PIK3AP1: variants seen among roughly 807,000 people sequenced by gnomAD.
The protein encoded by PIK3AP1 is phosphoinositide 3-kinase adapter protein 1.
In PIK3AP1, 21 loss-of-function variants were observed where a neutral mutation model predicts 88.1. The observed-to-expected ratio is 0.24, with a 90% CI of 0.17 to 0.34. The LOEUF is 0.34. Among genes scored for constraint, PIK3AP1 ranks in the 10% least tolerant of loss-of-function variants. The pLI, the probability that PIK3AP1 is intolerant of heterozygous loss-of-function variation, is 1.00. For missense variants in PIK3AP1, 828 were observed against 1,035.7 expected (o/e 0.80, Z 2.75); for synonymous variants, 398 against 400.0 (o/e 1.00, Z 0.06).
chr10:96,644,598 G>A (rs140500475), intron 8 of PIK3AP1, among the ~76,000 whole-genome samples: 120 of 151,984 alleles, frequency 7.9e-4, no homozygotes, highest in Middle Eastern at 3.4e-3. Context: ...CTTTTGCATT[G>A]GAAAAAACAA....
At chr10:96,659,816 G>GA (rs1176116403) in intron 2 of PIK3AP1, among the ~76,000 whole-genome samples, 1 of 151,496 alleles carries the variant, frequency 6.6e-6, no homozygotes, top group South Asian at 2.1e-4. Flanking sequence ...TAATAACCAT[G>GA]AAAAAACACT....
intron 13 of PIK3AP1, among the ~76,000 whole-genome samples, chr10:96,613,469 T>G (rs1849161760): frequency 1.3e-5 from 2 of 152,196 alleles, no homozygotes; most frequent in African/African-American, 2.4e-5. Context: ...TATATACAGT[T>G]TAATCTCTCA....
intron 3 of PIK3AP1, among the ~76,000 whole-genome samples, chr10:96,654,677 A>T (rs897751522): frequency 6.6e-6 from 1 of 152,202 alleles, no homozygotes. Flanking sequence ...GGCAACAAGA[A>T]TCCTGGGATA....
intron 3 of PIK3AP1, among the ~76,000 whole-genome samples, chr10:96,654,722 T>A (rs1382161629): frequency 6.6e-6 from 1 of 152,156 alleles, no homozygotes; most frequent in Non-Finnish European, 1.5e-5. Flanking sequence ...AATGAGAGCC[T>A]GGAAAAATCA....
intron 8 of PIK3AP1, chr10:96,632,805 C>T: frequency 6.6e-7 from 1 of 1,525,744 alleles, no homozygotes; most frequent in Admixed American, 2.0e-5. Flanking sequence ...TTGTGTTTTT[C>T]CCACTTCTGG....
chr10:96,708,341 G>A (rs564280449), intron 2 of PIK3AP1, among the ~76,000 whole-genome samples: 57 of 152,172 alleles, frequency 3.7e-4, no homozygotes, highest in African/African-American at 1.3e-3. Context: ...TTGGGAGGCC[G>A]AGGCAGGTGG....
chr10:96,662,764 C>T (rs1843707249), intron 2 of PIK3AP1, among the ~76,000 whole-genome samples: 1 of 150,072 alleles, frequency 6.7e-6, no homozygotes, highest in Non-Finnish European at 1.5e-5. Flanking sequence ...CGCCTGTAGT[C>T]CCAGCTACTC....
At chr10:96,675,771 T>C (rs1367297361) in intron 2 of PIK3AP1, among the ~76,000 whole-genome samples, 1 of 152,198 alleles carries the variant, frequency 6.6e-6, no homozygotes, top group Non-Finnish European at 1.5e-5. Flanking sequence ...TAGTAAGTGC[T>C]CAATAAAAGG....
In PIK3AP1 at chr10:96,602,409, G is replaced by C. The variant is rs2134181300; in HGVS notation, c.2242-11C>G. The C allele has an allele frequency of 6.2e-7, 1 of 1,603,592 alleles. No homozygotes were observed. The highest frequency in any genetic ancestry group is 2.2e-5 in the East Asian group (1 of 44,622). Reference sequence around the variant, plus strand: ...AGGGACTTCATTATCCTACAGCAAAGAAGATGAGAAAGAAAGGCGAAAACT... The same window carrying C: ...AGGGACTTCATTATCCTACAGCAAACAAGATGAGAAAGAAAGGCGAAAACT... On this transcript the variant is annotated splice_polypyrimidine_tract_variant and intron_variant, in intron 15 of 16. Transcript: ENST00000339364.
In PIK3AP1 at chr10:96,630,305, A is replaced by C. The variant is rs1564962109; in HGVS notation, c.1376-1812T>G. Among the ~76,000 whole-genome samples, 4 of 152,212 alleles carry C rather than the reference A, an allele frequency of 2.6e-5. No individual in the cohort carries two copies. The South Asian group carries it at 6.2e-4, about 24-fold the overall frequency. On this transcript the variant is annotated intron_variant, in intron 8 of 16. Coordinates refer to ENST00000339364, the MANE Select transcript of PIK3AP1 (RefSeq NM_152309.3). ...ATTCCAAATGAGGAACCAGTAAATG[A>C]ATCCCGCCCGCCTGTTCTTGTCACC...
rs999767415 is a variant in PIK3AP1 at position 96,633,143 on chromosome 10, C to T, written c.1376-4650G>A. ...ATGAGAGGTATGCCAGAGTCAATGC[C>T]CTCAGGAAAGCCCAAAGAATGCTGT... On this transcript the variant is annotated intron_variant, in intron 8 of 16. Transcript: ENST00000339364. The T allele has an allele frequency of 4.2e-6, 6 of 1,428,028 alleles. No homozygotes were observed. In the Admixed American group the frequency reaches 7.7e-5, roughly 18 times the overall value. The allele number at this position is 1,428,028 out of a possible 1,614,324, so 88.5% of individuals were successfully genotyped here.
chr10:96,596,943 A>G (rs1180786743), intron 16 of PIK3AP1, among the ~76,000 whole-genome samples: 1 of 152,178 alleles, frequency 6.6e-6, no homozygotes, highest in Non-Finnish European at 1.5e-5. Flanking sequence ...CTTGAATGCA[A>G]GGTTTGTATA....
intron 1 of PIK3AP1, among the ~76,000 whole-genome samples, chr10:96,717,990 T>A (rs1844524952): frequency 6.6e-6 from 1 of 152,212 alleles, no homozygotes; most frequent in Non-Finnish European, 1.5e-5. Context: ...AGGAACGAAG[T>A]ACTGATATAA....
Position 96,626,877 on chromosome 10 carries a change from C to T in PIK3AP1, c.1500G>A (p.Glu500=). The T allele has an allele frequency of 2.5e-6, 4 of 1,614,196 alleles. No individual in the cohort carries two copies. The highest frequency in any genetic ancestry group is 3.4e-6 in the Non-Finnish European group (4 of 1,179,992). ...CCTGACCAAGATGGCACTGATCTCT[C>T]TCCAGATTGGTCATTCCCATGCTGT... ...EGNSMGMTNL[E]RDQCHLGQEE... Residue 500 remains glutamate, a synonymous_variant, in exon 10 of 17, where the codon GAG becomes GAA. Transcript: ENST00000339364.
intron 8 of PIK3AP1, among the ~76,000 whole-genome samples, chr10:96,634,295 G>A (rs1025592726): frequency 2.0e-5 from 3 of 152,208 alleles, no homozygotes; most frequent in African/African-American, 2.4e-5. Context: ...GGGAAGACCC[G>A]AAGTCAGGAG....
intron 9 of PIK3AP1, among the ~76,000 whole-genome samples, chr10:96,627,651 C>T (rs564191751): frequency 6.6e-6 from 1 of 152,304 alleles, no homozygotes; most frequent in East Asian, 1.9e-4. Context: ...ACTTGATCAA[C>T]AGACCCCACC....
intron 2 of PIK3AP1, among the ~76,000 whole-genome samples, chr10:96,702,413 C>T (rs1209369941): frequency 6.6e-6 from 1 of 151,380 alleles, no homozygotes; most frequent in Non-Finnish European, 1.5e-5. Context: ...GCAGGAGAAT[C>T]GCTTGAACCG....
intron 8 of PIK3AP1, among the ~76,000 whole-genome samples, chr10:96,632,123 G>T (rs1285882063): frequency 6.6e-6 from 1 of 152,166 alleles, no homozygotes; most frequent in Non-Finnish European, 1.5e-5. Context: ...GACAAGGAAA[G>T]ACTGAGGAAC....
intron 16 of PIK3AP1, among the ~76,000 whole-genome samples, chr10:96,596,546 A>G (rs1848756716): frequency 6.6e-6 from 1 of 152,178 alleles, no homozygotes; most frequent in Admixed American, 6.5e-5. Context: ...GACACACTGT[A>G]GTAGGGAGAT....
Sources: gnomAD v4.1 joint callset for allele counts (sites outside exome capture counted in the v4.1 genomes callset) on GRCh38, gnomAD v4.1.1 for gene constraint, MANE v1.5 for transcripts, NCBI Gene and HGNC (gene_info 2026-07-23, HGNC 2026-07-21) for gene names.